Variants in ZFYVE27 observed in about 807,000 individuals in gnomAD.
The protein encoded by ZFYVE27 is zinc finger FYVE-type containing 27.
In ZFYVE27, 36 loss-of-function variants were observed where a neutral mutation model predicts 52.8. The ratio of observed to expected loss-of-function variants is 0.68; its 90% CI spans 0.52 to 0.90. ZFYVE27 has a LOEUF of 0.90. ZFYVE27 is among the 40% of genes least tolerant of loss of function. The probability of loss-of-function intolerance (pLI) is 0.00; values close to 1 mark genes in which losing one functional copy is unlikely to be tolerated. For synonymous variants in ZFYVE27, 223 were observed against 215.6 expected (o/e 1.03, Z -0.30); for missense variants, 450 against 527.2 (o/e 0.85, Z 1.43).
At chr10:97,748,432 C>A in intron 5 of ZFYVE27, 68 bp downstream of exon 5, 1 of 1,529,208 alleles carries the variant, frequency 6.5e-7, no homozygotes, top group Non-Finnish European at 8.9e-7. Context: ...GCAAAGCCAG[C>A]TGCCTTGAGA....
intron 4 of ZFYVE27, among the ~76,000 whole-genome samples, chr10:97,747,217 G>A (rs1247933442): frequency 6.6e-6 from 1 of 152,284 alleles, no homozygotes; most frequent in East Asian, 1.9e-4. Flanking sequence ...AGTGTGACAA[G>A]TGATGTGTCA....
chr10:97,755,895 G>A (rs1009130640), intron 10 of ZFYVE27, among the ~76,000 whole-genome samples: 3 of 152,216 alleles, frequency 2.0e-5, no homozygotes, highest in African/African-American at 7.2e-5. Context: ...GGTGAGTCCA[G>A]GCTGTTGCTG....
chr10:97,758,638 C>T (rs977279058), intron 12 of ZFYVE27, among the ~76,000 whole-genome samples: 2 of 152,094 alleles, frequency 1.3e-5, no homozygotes, highest in Admixed American at 1.3e-4. Flanking sequence ...CTTTTTTCTT[C>T]CGATGCAAGT....
rs770981071 is a variant in ZFYVE27 at position 97,757,343 on chromosome 10, A to G, written c.1089+32A>G. On this transcript the variant is annotated intron_variant, in intron 11 of 12. Coordinates refer to ENST00000684270, the MANE Select transcript of ZFYVE27 (RefSeq NM_001385875.1). Reference sequence around the variant, plus strand: ...GTCTGTGAGGGTGCATTTGTTGGGGACAGTGTCCTTGGGACTGTCGGGTGG... The same window carrying G: ...GTCTGTGAGGGTGCATTTGTTGGGGGCAGTGTCCTTGGGACTGTCGGGTGG... 5.0e-6 allele frequency: 8 copies of G among 1,613,994 alleles called. No homozygotes were observed. In the East Asian group the frequency reaches 1.1e-4, roughly 22 times the overall value.
chr10:97,752,561 G>A (rs539754901), intron 8 of ZFYVE27, among the ~76,000 whole-genome samples: 9 of 152,198 alleles, frequency 5.9e-5, no homozygotes, highest in East Asian at 3.9e-4. Context: ...AAAAGTTTCC[G>A]GAAAATACGT....
chr10:97,757,750 T>C, intron 12 of ZFYVE27, 27 bp downstream of exon 12: 1 of 1,611,700 alleles, frequency 6.2e-7, no homozygotes, highest in Non-Finnish European at 8.5e-7. Flanking sequence ...GTGGGAGGGC[T>C]TGGTTGGTAT....
chr10:97,739,056 A>G (rs1476992559), intron 2 of ZFYVE27, among the ~76,000 whole-genome samples: 3 of 152,002 alleles, frequency 2.0e-5, no homozygotes, highest in African/African-American at 7.3e-5. Flanking sequence ...AACAAAAATT[A>G]AAGAAATACA....
intron 8 of ZFYVE27, 73 bp from the exon 9 acceptor site, chr10:97,752,784 C>G (rs1056041843): frequency 5.3e-5 from 83 of 1,567,436 alleles, no homozygotes; most frequent in Non-Finnish European, 6.2e-5. Flanking sequence ...GGGGGCCCCT[C>G]CAGGTAGCTT....
intron 4 of ZFYVE27, 79 bp downstream of exon 4, chr10:97,744,994 G>A (rs1200472184): frequency 1.1e-5 from 17 of 1,485,484 alleles, no homozygotes; most frequent in East Asian, 2.5e-5. Context: ...TTGTGTGCTC[G>A]ACATCATATT....
At chr10:97,758,413 T>C (rs1355970146) in intron 12 of ZFYVE27, among the ~76,000 whole-genome samples, 1 of 149,676 alleles carries the variant, frequency 6.7e-6, no homozygotes, top group Non-Finnish European at 1.5e-5. Flanking sequence ...AACCTCTGCC[T>C]CCTGGGTTCA....
At chr10:97,756,074 G>A (rs2048283670) in intron 10 of ZFYVE27, among the ~76,000 whole-genome samples, 1 of 152,150 alleles carries the variant, frequency 6.6e-6, no homozygotes, top group African/African-American at 2.4e-5. Flanking sequence ...ATTCAGTTTA[G>A]AGGAGACCTT....
chr10:97,748,827 AT>A (rs2046169099), intron 5 of ZFYVE27, among the ~76,000 whole-genome samples: 1 of 152,238 alleles, frequency 6.6e-6, no homozygotes, highest in Non-Finnish European at 1.5e-5. Flanking sequence ...TCTGTTACAG[AT>A]TTAGTCAATT....
At chr10:97,753,692 G>A (rs1156701782) in intron 10 of ZFYVE27, among the ~76,000 whole-genome samples, 3 of 152,196 alleles carry the variant, frequency 2.0e-5, no homozygotes, top group Admixed American at 1.3e-4. Flanking sequence ...TAGTACTTAC[G>A]AAGGGCTAGC....
At chr10:97,750,573 TA>T in intron 7 of ZFYVE27, 103 bp downstream of exon 7, 1 of 1,513,004 alleles carries the variant, frequency 6.6e-7, no homozygotes, top group Non-Finnish European at 9.0e-7. Flanking sequence ...TAGTTCCTGC[TA>T]TTTCCCAGGC....
Position 97,755,873 on chromosome 10 carries a change from T to C in ZFYVE27, c.1043-1392T>C, listed in dbSNP as rs528142385. Reference sequence around the variant, plus strand: ...TGGCCTCGGTGGCATCGTCACGTGGTGAGTGAGGATGGGTGAGTCCAGGCT... The same window carrying C: ...TGGCCTCGGTGGCATCGTCACGTGGCGAGTGAGGATGGGTGAGTCCAGGCT... On this transcript the variant is annotated intron_variant, in intron 10 of 12. Transcript: ENST00000684270. 1.3e-4 allele frequency among the ~76,000 whole-genome samples: 20 copies of C among 151,984 alleles called. No homozygotes were observed. In the South Asian group the frequency reaches 4.0e-3, roughly 30 times the overall value.
chr10:97,743,001 C>T, intron 2 of ZFYVE27, 93 bp from the exon 3 acceptor site: 2 of 1,375,318 alleles, frequency 1.5e-6, no homozygotes, highest in Non-Finnish European at 2.1e-6. Flanking sequence ...CAGGCCTCCT[C>T]TTCTGGTTTG....
rs758277807 is a variant in ZFYVE27, at chr10:97,748,344, G to C, written c.531G>C (p.Glu177Asp). The C allele has an allele frequency of 6.2e-7, 1 of 1,614,154 alleles. No individual in the cohort carries two copies. Among genetic ancestry groups the C allele is most frequent in the Admixed American group, 1.7e-5 (1 of 60,014 alleles). The stretch of plus-strand genomic sequence containing the variant: ...CCGCCTACCGCGTGCTGCACTGGGA[G>C]AACCCCGTCGTGTCCTCACAGTGAG... ...CEAAYRVLHW[E>D]NPVVSSQFYG... Residue 177 changes from glutamate (E) to aspartate (D), a missense_variant, in exon 5 of 13, where the codon GAG becomes GAC. Glu to Asp is a conservative substitution (Grantham distance 45). Coordinates refer to ENST00000684270, the MANE Select transcript of ZFYVE27 (RefSeq NM_001385875.1).
chr10:97,757,515 G>C (rs1253519796), intron 11 of ZFYVE27, 127 bp from the exon 12 acceptor site: 5 of 1,295,098 alleles, frequency 3.9e-6, no homozygotes, highest in Non-Finnish European at 5.6e-6. Flanking sequence ...TCTCTTTCCT[G>C]CTCCACTTGG....
Position 97,760,226 on chromosome 10 carries a change from C to T in ZFYVE27, c.*926C>T, listed in dbSNP as rs1051101730. ...GAGCAGAGGTCCTGAAGCCCTTGAC[C>T]CCTGGGGGCCTGGGTAGTGTAGGAT... On this transcript the variant is annotated 3_prime_UTR_variant, in exon 13 of 13. Coordinates refer to ENST00000684270, the MANE Select transcript of ZFYVE27 (RefSeq NM_001385875.1). 2 of 152,334 alleles carry T rather than the reference C, an allele frequency of 1.3e-5. No homozygotes were observed. Among genetic ancestry groups the T allele is most frequent in the African/African-American group, 4.8e-5 (2 of 41,462 alleles). The allele number at this position is 152,334 out of a possible 1,614,324, so 9.4% of individuals were successfully genotyped here.
Sources: gnomAD v4.1 joint callset for allele counts (sites outside exome capture counted in the v4.1 genomes callset) on GRCh38, gnomAD v4.1.1 for gene constraint, MANE v1.5 for transcripts, NCBI Gene and HGNC (gene_info 2026-07-23, HGNC 2026-07-21) for gene names.